The following POLA1 variants were observed in gnomAD, a reference collection of about 807,000 sequenced individuals.
The protein encoded by POLA1 is DNA polymerase alpha catalytic subunit.
A neutral mutation model predicts 124.0 loss-of-function variants in POLA1; 15 were observed. The ratio of observed to expected loss-of-function variants is 0.12; its 90% CI spans 0.08 to 0.19. POLA1 has a LOEUF of 0.19. Among genes scored for constraint, POLA1 ranks in the 10% least tolerant of loss-of-function variants. The pLI is 1.00. For missense variants in POLA1, 886 were observed against 1,103.4 expected (o/e 0.80, Z 2.79); for synonymous variants, 408 against 389.4 (o/e 1.05, Z -0.56).
intron 15 of POLA1, among the ~76,000 whole-genome samples, chrX:24,729,106 G>A (rs1445898953): frequency 8.9e-6 from 1 of 112,087 alleles, no homozygotes; most frequent in East Asian, 2.8e-4. Context: ...TAGTGAGTCT[G>A]TGTCTGATTA....
chrX:24,947,830 G>A (rs1390840649), intron 36 of POLA1, among the ~76,000 whole-genome samples: 2 of 112,032 alleles, frequency 1.8e-5, no homozygotes, highest in African/African-American at 6.5e-5. Flanking sequence ...ATAGGCTGGG[G>A]CTGGGGGAGA....
intron 10 of POLA1, 109 bp downstream of exon 10, chrX:24,717,867 T>C: frequency 1.9e-6 from 1 of 529,671 alleles, no homozygotes; most frequent in Non-Finnish European, 2.9e-6. Flanking sequence ...ATTTAATCAG[T>C]TTATTTCTGT....
At chrX:24,975,129 A>G (rs887723767) in intron 36 of POLA1, among the ~76,000 whole-genome samples, 1 of 112,011 alleles carries the variant, frequency 8.9e-6, no homozygotes, top group African/African-American at 3.3e-5. Flanking sequence ...CTTCTGCCTC[A>G]GCCTCCCAAG....
chrX:24,964,425 C>G (rs1483176938), intron 36 of POLA1, among the ~76,000 whole-genome samples: 1 of 112,531 alleles, frequency 8.9e-6, no homozygotes, highest in Non-Finnish European at 1.9e-5. Flanking sequence ...TTATATACAT[C>G]CTAGAAATCT....
intron 34 of POLA1, among the ~76,000 whole-genome samples, chrX:24,844,103 A>G (rs1323674978): frequency 9.0e-6 from 1 of 111,514 alleles, no homozygotes; most frequent in Non-Finnish European, 1.9e-5. Flanking sequence ...CCCACACAAA[A>G]CTAATACTTT....
At chrX:24,941,147 T>C (rs2047905026) in intron 36 of POLA1, among the ~76,000 whole-genome samples, 1 of 112,105 alleles carries the variant, frequency 8.9e-6, no homozygotes, top group South Asian at 3.8e-4. Flanking sequence ...TTATGCTCCC[T>C]CTATGAGACA....
rs766974182 is a variant in POLA1 at position 24,742,156 on chromosome X, T to C, written c.2466+35T>C. 2.7e-6 allele frequency: 3 copies of C among 1,119,438 alleles called. No individual in the cohort carries two copies. The Admixed American group carries it at 7.5e-5, about 28-fold the overall frequency. The allele number at this position is 1,119,438 out of a possible 1,213,427, so 92.3% of individuals were successfully genotyped here. A position where few individuals can be genotyped will look rare whatever the true frequency, so the allele number is the denominator to read the frequency against. On this transcript the variant is annotated intron_variant, in intron 22 of 36. Transcript: ENST00000379068. The stretch of plus-strand genomic sequence containing the variant: ...AAACTGTGTAGTATTTTGTTTTCTC[T>C]TAACCCCCCCCCCCCTTTTAATACC...
chrX:24,993,314 C>T (rs2048556784), intron 36 of POLA1, among the ~76,000 whole-genome samples: 1 of 112,034 alleles, frequency 8.9e-6, no homozygotes, highest in Admixed American at 9.4e-5. Flanking sequence ...GTTACCAGGG[C>T]CAGTGGCATC....
At chrX:24,984,784 C>T (rs976051184) in intron 36 of POLA1, among the ~76,000 whole-genome samples, 11 of 107,575 alleles carry the variant, frequency 1.0e-4, no homozygotes, top group African/African-American at 1.0e-4. Context: ...CTCAGCCTCC[C>T]GAGGAGCTGG....
At chrX:24,775,730 G>A (rs993497373) in intron 26 of POLA1, among the ~76,000 whole-genome samples, 1 of 112,121 alleles carries the variant, frequency 8.9e-6, no homozygotes, top group Non-Finnish European at 1.9e-5. Context: ...AAAGAGGAAC[G>A]TGTCTGTGTT....
intron 36 of POLA1, among the ~76,000 whole-genome samples, chrX:24,994,069 A>G (rs961198534): frequency 8.9e-6 from 1 of 112,363 alleles, no homozygotes; most frequent in African/African-American, 3.2e-5. Context: ...CCCAGTCATC[A>G]GATGCATTTG....
chrX:24,951,232 C>A (rs1305152432), intron 36 of POLA1, among the ~76,000 whole-genome samples: 2 of 86,257 alleles, frequency 2.3e-5, no homozygotes, highest in African/African-American at 8.6e-5. Context: ...ACTACCTTAT[C>A]CTGATTACAA....
chrX:24,716,513 G>T (rs1929854045), intron 7 of POLA1, 59 bp downstream of exon 7: 1 of 666,416 alleles, frequency 1.5e-6, no homozygotes. Context: ...AACTTATTTT[G>T]TTGCTTTTCT....
chrX:24,983,770 T>C (rs2048448588), intron 36 of POLA1, among the ~76,000 whole-genome samples: 1 of 112,106 alleles, frequency 8.9e-6, no homozygotes, highest in African/African-American at 3.2e-5. Context: ...GCTAGTGCCA[T>C]CTAGATGAAT....
chrX:24,847,356 T>C (rs754489570), intron 34 of POLA1, among the ~76,000 whole-genome samples: 3 of 112,448 alleles, frequency 2.7e-5, no homozygotes, highest in Non-Finnish European at 5.6e-5. Context: ...GCAATCGTAA[T>C]AGTCAACTCA....
chrX:24,868,710 C>T (rs753966572), intron 34 of POLA1, among the ~76,000 whole-genome samples: 2 of 111,681 alleles, frequency 1.8e-5, no homozygotes, highest in African/African-American at 3.2e-5. Context: ...TTAATGAATG[C>T]GATCATCATT....
intron 36 of POLA1, among the ~76,000 whole-genome samples, chrX:24,958,051 T>C (rs1261360279): frequency 9.1e-6 from 1 of 110,454 alleles, no homozygotes; most frequent in Non-Finnish European, 1.9e-5. Context: ...GCCTCAGCTG[T>C]ATATTGGGAG....
chrX:24,781,239 C>T lies in POLA1; in HGVS notation c.2965-28659C>T, dbSNP rs751925633. ...TCTTCAAGCCAGAAGAAATGGGCAT[C>T]TTGCCTGGTGCCTTTCCTTTTTACC... On this transcript the variant is annotated intron_variant, in intron 26 of 36. Coordinates refer to ENST00000379068, the MANE Select transcript of POLA1 (RefSeq NM_001330360.2). Among the ~76,000 whole-genome samples the T allele has an allele frequency of 5.4e-5, 6 of 111,697 alleles. No individual in the cohort carries two copies. In the South Asian group the frequency reaches 1.1e-3, roughly 21 times the overall value.
intron 26 of POLA1, among the ~76,000 whole-genome samples, chrX:24,758,223 T>C (rs1367679405): frequency 9.0e-6 from 1 of 111,322 alleles, no homozygotes; most frequent in Non-Finnish European, 1.9e-5. Context: ...TATATACTTA[T>C]ATGAAAAATA....
Sources: gnomAD v4.1 joint callset for allele counts (sites outside exome capture counted in the v4.1 genomes callset) on GRCh38, gnomAD v4.1.1 for gene constraint, MANE v1.5 for transcripts, NCBI Gene and HGNC (gene_info 2026-07-23, HGNC 2026-07-21) for gene names.